The following PCDH9 variants were observed in gnomAD, a reference collection of about 807,000 sequenced individuals.
PCDH9 encodes the protein protocadherin-9.
In PCDH9, 24 loss-of-function variants were observed where a neutral mutation model predicts 70.6. That is an observed-to-expected ratio of 0.34 (90% confidence interval 0.25 to 0.48). The LOEUF is 0.48. Ranked by LOEUF, PCDH9 falls within the 20% of genes least tolerant of loss-of-function variation. The pLI is 0.99. For synonymous variants in PCDH9, 562 were observed against 558.5 expected, an observed-to-expected ratio of 1.01 and a Z score of -0.09; for missense variants, 1,281 against 1,503.6, an observed-to-expected ratio of 0.85 and a Z score of 2.45.
intron 2 of PCDH9, among the ~76,000 whole-genome samples, chr13:67,039,471 C>T (rs565214635): frequency 6.6e-6 from 1 of 152,258 alleles, no homozygotes; most frequent in African/African-American, 2.4e-5. Flanking sequence ...TGCCCCATCC[C>T]TATAAAACCT....
At chr13:66,897,621 T>A (rs1162656771) in intron 3 of PCDH9, among the ~76,000 whole-genome samples, 2 of 152,134 alleles carry the variant, frequency 1.3e-5, no homozygotes, top group South Asian at 2.1e-4. Flanking sequence ...AACATTCATG[T>A]TTCTAGAAAA....
chr13:66,542,854 C>T (rs1480982664), intron 4 of PCDH9, among the ~76,000 whole-genome samples: 1 of 148,624 alleles, frequency 6.7e-6, no homozygotes, highest in East Asian at 2.0e-4. Context: ...GAACCCTATA[C>T]AACTATTATG....
intron 4 of PCDH9, among the ~76,000 whole-genome samples, chr13:66,377,730 G>T (rs777765843): frequency 6.6e-6 from 1 of 152,168 alleles, no homozygotes; most frequent in Non-Finnish European, 1.5e-5. Flanking sequence ...CATGTGCTAA[G>T]AAATATTTTG....
chr13:66,989,746 A>G (rs1035773869), intron 2 of PCDH9, among the ~76,000 whole-genome samples: 3 of 151,940 alleles, frequency 2.0e-5, no homozygotes, highest in Non-Finnish European at 2.9e-5. Context: ...CTAATTGAAT[A>G]TGCACTTGGT....
chr13:66,508,444 C>T (rs1463670172), intron 4 of PCDH9, among the ~76,000 whole-genome samples: 2 of 152,132 alleles, frequency 1.3e-5, no homozygotes, highest in East Asian at 3.9e-4. Flanking sequence ...AATATGTAAC[C>T]TACAAAATAT....
chr13:66,736,218 C>A (rs2079146308), intron 3 of PCDH9, among the ~76,000 whole-genome samples: 1 of 151,964 alleles, frequency 6.6e-6, no homozygotes, highest in Non-Finnish European at 1.5e-5. Context: ...ATGTTGAAGC[C>A]CTAACCCCCC....
chr13:66,824,713 T>G (rs1229144305), intron 3 of PCDH9, among the ~76,000 whole-genome samples: 1 of 142,498 alleles, frequency 7.0e-6, no homozygotes, highest in Non-Finnish European at 1.5e-5. Context: ...CACACATATA[T>G]ATATACACAC....
intron 2 of PCDH9, among the ~76,000 whole-genome samples, chr13:67,133,975 A>G (rs1450601904): frequency 6.6e-6 from 1 of 152,102 alleles, no homozygotes; most frequent in African/African-American, 2.4e-5. Context: ...AAGTTTATTA[A>G]AACAGGTATT....
intron 3 of PCDH9, among the ~76,000 whole-genome samples, chr13:66,839,572 A>C (rs1010080258): frequency 1.3e-5 from 2 of 152,208 alleles, no homozygotes; most frequent in African/African-American, 4.8e-5. Context: ...TCTTACCTGC[A>C]TATTTTAACA....
chr13:66,652,487 A>C (rs1165157081), intron 3 of PCDH9, among the ~76,000 whole-genome samples: 1 of 152,026 alleles, frequency 6.6e-6, no homozygotes, highest in African/African-American at 2.4e-5. Flanking sequence ...AAGAGGTCAC[A>C]CAAAAAAGGA....
chr13:67,219,012 G>C (rs1020029364), intron 2 of PCDH9: 3 of 151,986 alleles, frequency 2.0e-5, no homozygotes, highest in African/African-American at 7.2e-5. Context: ...GAATGACTTT[G>C]AGTTCTGCAT....
chr13:67,227,496 C>T lies in PCDH9; in HGVS notation c.945G>A (p.Gln315=). The T allele has an allele frequency of 6.2e-7, 1 of 1,613,864 alleles. No homozygotes were observed. Among genetic ancestry groups the T allele is most frequent in the Non-Finnish European group, 8.5e-7 (1 of 1,179,834 alleles). The change falls in exon 2 of 5, where the codon CAG becomes CAA. Residue 315 remains glutamine (Q), a synonymous_variant. Transcript: ENST00000377865. The surrounding 1 kb of genome is among the most constrained non-coding windows in gnomAD (Gnocchi z 4.6). ...LNNTTGLITV[Q]RSLDREETAI... ...CTGTCTCCTCTCTATCTAAGGACCT[C>T]TGAACTGTAATCAGCCCAGTAGTAT...
intron 4 of PCDH9, among the ~76,000 whole-genome samples, chr13:66,585,618 TA>T (rs1198283757): frequency 6.6e-6 from 1 of 152,158 alleles, no homozygotes; most frequent in Non-Finnish European, 1.5e-5. Context: ...TATTTTATCT[TA>T]AAAATAGTTG....
intron 3 of PCDH9, among the ~76,000 whole-genome samples, chr13:66,718,658 G>A (rs527849828): frequency 1.6e-3 from 243 of 152,262 alleles, no homozygotes; most frequent in Non-Finnish European, 2.6e-3. Context: ...AAGTTACTAC[G>A]TGAATTATAA....
chr13:66,965,631 A>T (rs2083422242), intron 2 of PCDH9, among the ~76,000 whole-genome samples: 1 of 152,030 alleles, frequency 6.6e-6, no homozygotes, highest in Admixed American at 6.6e-5. Context: ...ATCACATCTT[A>T]GATCAGAATT....
intron 3 of PCDH9, among the ~76,000 whole-genome samples, chr13:66,634,714 A>C (rs1467791402): frequency 1.3e-5 from 2 of 152,156 alleles, no homozygotes; most frequent in African/African-American, 4.8e-5. Flanking sequence ...TAATTATTGA[A>C]ATTTAAAACT....
At chr13:67,117,703 A>C (rs1026483743) in intron 2 of PCDH9, among the ~76,000 whole-genome samples, 13 of 152,174 alleles carry the variant, frequency 8.5e-5, no homozygotes, top group African/African-American at 3.1e-4. Flanking sequence ...AGGTAATAAT[A>C]TAAATGTCCA....
At chr13:67,115,569 A>G (rs2086745989) in intron 2 of PCDH9, among the ~76,000 whole-genome samples, 1 of 152,242 alleles carries the variant, frequency 6.6e-6, no homozygotes, top group Non-Finnish European at 1.5e-5. Flanking sequence ...CAGTAGTGGA[A>G]CACTAATGGT....
At chr13:66,537,186 C>G (rs1387757317) in intron 4 of PCDH9, among the ~76,000 whole-genome samples, 3 of 151,986 alleles carry the variant, frequency 2.0e-5, no homozygotes, top group African/African-American at 7.2e-5. Context: ...CCACTAGTTG[C>G]ATTGTACGCA....
Sources: gnomAD v4.1 joint callset for allele counts (sites outside exome capture counted in the v4.1 genomes callset) on GRCh38, gnomAD v4.1.1 for gene constraint, Gnocchi (gnomAD v3.1) non-coding constraint, MANE v1.5 for transcripts, NCBI Gene and HGNC (gene_info 2026-07-23, HGNC 2026-07-21) for gene names.